Variants in MYOCD observed in about 807,000 individuals in gnomAD.
The protein encoded by MYOCD is myocardin.
In MYOCD, 32 loss-of-function variants were observed where a neutral mutation model predicts 96.1. The ratio of observed to expected loss-of-function variants is 0.33; its 90% confidence interval spans 0.25 to 0.45. The LOEUF (loss-of-function observed/expected upper bound fraction) is 0.45. Among genes scored for constraint, MYOCD ranks in the 20% least tolerant of loss-of-function variants. The pLI, the probability that MYOCD is intolerant of heterozygous loss-of-function variation, is 1.00. For synonymous variants in MYOCD, 469 were observed against 469.0 expected, an observed-to-expected ratio of 1.00 and a Z score of 0.00; for missense variants, 1,133 against 1,200.6, an observed-to-expected ratio of 0.94 and a Z score of 0.83.
chr17:12,705,383 C>T, intron 2 of MYOCD, 190 bp downstream of exon 2: 1 of 504,762 alleles, frequency 2.0e-6, no homozygotes, highest in Non-Finnish European at 3.6e-6. Context: ...CTGCAAGGGG[C>T]TCCTTTTAAT....
At chr17:12,712,583 A>G (rs1254083141) in intron 2 of MYOCD, among the ~76,000 whole-genome samples, 2 of 152,090 alleles carry the variant, frequency 1.3e-5, no homozygotes, top group Admixed American at 6.5e-5. Flanking sequence ...TCTTTTTTCT[A>G]AGTTCTAAGT....
intron 1 of MYOCD, among the ~76,000 whole-genome samples, chr17:12,687,071 G>A (rs1035631129): frequency 1.3e-5 from 2 of 152,206 alleles, no homozygotes; most frequent in African/African-American, 4.8e-5. Flanking sequence ...AAGTTGGAAG[G>A]TGTTTAGGGG....
intron 3 of MYOCD, among the ~76,000 whole-genome samples, 172 bp downstream of exon 3, chr17:12,715,746 A>T (rs1382885589): frequency 6.6e-6 from 1 of 152,212 alleles, no homozygotes; most frequent in Non-Finnish European, 1.5e-5. Context: ...CTATAGAAAT[A>T]GGATCAACTA....
intron 1 of MYOCD, among the ~76,000 whole-genome samples, chr17:12,698,131 T>C (rs2150665555): frequency 6.6e-6 from 1 of 152,266 alleles, no homozygotes. Context: ...CTATACGAAG[T>C]AATCTTATAA....
intron 12 of MYOCD, among the ~76,000 whole-genome samples, chr17:12,759,704 T>C (rs2033116976): frequency 6.6e-6 from 1 of 152,172 alleles, no homozygotes; most frequent in Non-Finnish European, 1.5e-5. Context: ...GGAGGGGGCA[T>C]ACCCTACTGG....
intron 1 of MYOCD, among the ~76,000 whole-genome samples, chr17:12,666,908 G>A (rs913558191): frequency 6.6e-6 from 1 of 152,190 alleles, no homozygotes; most frequent in East Asian, 1.9e-4. Context: ...GGAGAGACGG[G>A]AGCTCTAACC....
intron 1 of MYOCD, among the ~76,000 whole-genome samples, chr17:12,674,578 C>T (rs1909899423): frequency 6.6e-6 from 1 of 151,992 alleles, no homozygotes; most frequent in Non-Finnish European, 1.5e-5. Context: ...GGAGTTAGTA[C>T]CAGAAGTAAA....
intron 5 of MYOCD, 85 bp downstream of exon 5, chr17:12,723,093 G>A (rs2031895361): frequency 4.5e-6 from 6 of 1,326,176 alleles, no homozygotes; most frequent in African/African-American, 4.4e-5. Flanking sequence ...GGATCTTTGG[G>A]GATGAGGGCC....
At chr17:12,671,543 A>G (rs1021256469) in intron 1 of MYOCD, among the ~76,000 whole-genome samples, 2 of 152,224 alleles carry the variant, frequency 1.3e-5, no homozygotes, top group African/African-American at 2.4e-5. Context: ...CTATGGCTCA[A>G]TGACGATAGT....
intron 10 of MYOCD, among the ~76,000 whole-genome samples, chr17:12,754,253 C>T (rs1665770401): frequency 1.3e-5 from 2 of 152,184 alleles, no homozygotes; most frequent in South Asian, 2.1e-4. Flanking sequence ...TACAGGCGCA[C>T]ACCACCATGC....
At chr17:12,675,811 A>T (rs970768797) in intron 1 of MYOCD, among the ~76,000 whole-genome samples, 1 of 152,216 alleles carries the variant, frequency 6.6e-6, no homozygotes, top group South Asian at 2.1e-4. Flanking sequence ...GTGAGACGAG[A>T]TCACGCCACT....
chr17:12,749,677 A>G (rs1359911439), intron 9 of MYOCD, among the ~76,000 whole-genome samples: 17 of 32,250 alleles, frequency 5.3e-4, no homozygotes, highest in Admixed American at 1.4e-3. Context: ...ATGTATATAC[A>G]CATACATATG....
At chr17:12,678,259 T>C (rs1381506578) in intron 1 of MYOCD, among the ~76,000 whole-genome samples, 1 of 152,040 alleles carries the variant, frequency 6.6e-6, no homozygotes. Context: ...ATATAACTTA[T>C]ATTGTATTTT....
chr17:12,719,174 CAAAAAAAAAAAAA>C (rs71144920), intron 4 of MYOCD, among the ~76,000 whole-genome samples: 17 of 49,160 alleles, frequency 3.5e-4, no homozygotes, highest in East Asian at 2.8e-3. Context: ...GACTCTGTCT[CAAAAAAAAAAAAA>C]AAAAAAAAAA....
chr17:12,734,751 C>T (rs1255584820), intron 5 of MYOCD, among the ~76,000 whole-genome samples: 2 of 152,090 alleles, frequency 1.3e-5, no homozygotes, highest in African/African-American at 4.8e-5. Context: ...CCTCATGATC[C>T]ACCTGCCTCG....
chr17:12,739,105 G>A, intron 6 of MYOCD, 98 bp from the exon 7 acceptor site: 1 of 1,373,152 alleles, frequency 7.3e-7, no homozygotes, highest in South Asian at 1.5e-5. Context: ...TGAGAAGCTA[G>A]GATGAAAGCA....
intron 1 of MYOCD, among the ~76,000 whole-genome samples, chr17:12,701,270 G>A (rs954842955): frequency 2.6e-5 from 4 of 152,176 alleles, no homozygotes; most frequent in African/African-American, 9.6e-5. Context: ...AAATTAGCCT[G>A]GCATGGTGGT....
At chr17:12,666,919 G>A (rs921110599) in intron 1 of MYOCD, among the ~76,000 whole-genome samples, 1 of 152,180 alleles carries the variant, frequency 6.6e-6, no homozygotes, top group Admixed American at 6.5e-5. Flanking sequence ...AGCTCTAACC[G>A]CTTCTCCAGA....
intron 2 of MYOCD, chr17:12,710,609 C>A: frequency 3.9e-6 from 2 of 514,022 alleles, no homozygotes; most frequent in Non-Finnish European, 5.0e-6. Context: ...GCACCCATAT[C>A]ACATGCAGCT....
Sources: allele counts gnomAD v4.1 joint callset (sites outside exome capture counted in the v4.1 genomes callset), GRCh38; gene constraint gnomAD v4.1.1; transcripts MANE v1.5; gene names NCBI Gene and HGNC (gene_info 2026-07-23, HGNC 2026-07-21).